Variants in ADAM9 observed in about 807,000 individuals in gnomAD.
The protein encoded by ADAM9 is disintegrin and metalloproteinase domain-containing protein 9.
Under a neutral mutation model 108.1 loss-of-function variants are expected in ADAM9, and 54 were observed. The ratio of observed to expected loss-of-function variants is 0.50; its 90% CI spans 0.40 to 0.63. ADAM9 has a LOEUF of 0.63. Among genes scored for constraint, ADAM9 ranks in the 20% least tolerant of loss-of-function variants. The probability of loss-of-function intolerance (pLI) is 0.00; values close to 1 mark genes in which losing one functional copy is unlikely to be tolerated. For synonymous variants in ADAM9, 316 were observed against 336.0 expected (o/e 0.94, Z 0.65); for missense variants, 830 against 997.7 (o/e 0.83, Z 2.26).
intron 4 of ADAM9, chr8:39,014,389 A>G (rs1836457813): frequency 1.8e-6 from 1 of 557,686 alleles, no homozygotes; most frequent in Middle Eastern, 2.9e-4. Context: ...GCACTTATTA[A>G]AACATTTAAT....
chr8:39,075,882 A>G (rs1410638845), intron 15 of ADAM9: 1 of 152,206 alleles, frequency 6.6e-6, no homozygotes, highest in Non-Finnish European at 1.5e-5. Flanking sequence ...AGCTCAGAAA[A>G]TGTAAGCACT....
At chr8:39,024,249 G>C (rs1023762929) in intron 9 of ADAM9, among the ~76,000 whole-genome samples, 1 of 152,046 alleles carries the variant, frequency 6.6e-6, no homozygotes, top group Non-Finnish European at 1.5e-5. Flanking sequence ...TTTTGGTGTG[G>C]GTCTTAATTT....
chr8:39,009,514 C>T (rs760217538), intron 2 of ADAM9, among the ~76,000 whole-genome samples: 4 of 152,232 alleles, frequency 2.6e-5, no homozygotes, highest in African/African-American at 4.8e-5. Flanking sequence ...GCTGGGATTA[C>T]AGGCATGAGC....
At chr8:39,012,282 T>G (rs1836380333) in intron 3 of ADAM9, among the ~76,000 whole-genome samples, 1 of 152,198 alleles carries the variant, frequency 6.6e-6, no homozygotes, top group South Asian at 2.1e-4. Context: ...GCTGATCATG[T>G]AGCTAAAGTC....
At chr8:38,998,723 A>G (rs1455913153) in intron 1 of ADAM9, among the ~76,000 whole-genome samples, 1 of 152,204 alleles carries the variant, frequency 6.6e-6, no homozygotes, top group African/African-American at 2.4e-5. Context: ...AGAATAGTAG[A>G]TACATTCTAA....
chr8:39,013,994 A>G lies in ADAM9; in HGVS notation c.284A>G (p.Tyr95Cys). ...KDLLPEDFVVYTYNKEGTLIT... is the reference protein window; with the variant it reads ...KDLLPEDFVVCTYNKEGTLIT... ...CTTTTGCCTGAAGATTTTGTGGTTT[A>G]TACTTACAACAAGGAAGGGACTTTA... The change falls in exon 4 of 22, where the codon TAT becomes TGT. Residue 95 changes from tyrosine to cysteine, a missense_variant. By Grantham distance (194) the Tyr-to-Cys change is radical. Coordinates refer to ENST00000487273, the MANE Select transcript of ADAM9 (RefSeq NM_003816.3). 9.3e-6 allele frequency: 15 copies of G among 1,613,642 alleles called. No homozygotes were observed. Among genetic ancestry groups the G allele is most frequent in the Non-Finnish European group, 1.3e-5 (15 of 1,179,706 alleles).
rs117932378 is a variant in ADAM9, at chr8:39,077,705, C to T, written c.1881+294C>T. On this transcript the variant is annotated intron_variant, in intron 16 of 21. Coordinates refer to ENST00000487273, the MANE Select transcript of ADAM9 (RefSeq NM_003816.3). ...GTTTGCTATTACTGGGACACTTTGG[C>T]GATGTCCTGAATTTCAGGGTGTGTG... Among the ~76,000 whole-genome samples, 874 of 152,182 alleles carry T rather than the reference C, an allele frequency of 5.7e-3. 7 individuals are homozygous for T. Among genetic ancestry groups the T allele is most frequent in the Non-Finnish European group, 9.6e-3 (653 of 68,018 alleles).
chr8:39,011,722 A>G lies in ADAM9; in HGVS notation c.254+6A>G. 1 of 1,606,932 alleles carries G rather than the reference A, an allele frequency of 6.2e-7. No individual in the cohort carries two copies. Among genetic ancestry groups the G allele is most frequent in the Non-Finnish European group, 8.5e-7 (1 of 1,173,528 alleles). On this transcript the variant is annotated splice_donor_region_variant and intron_variant, in intron 3 of 21. Coordinates refer to ENST00000487273, the MANE Select transcript of ADAM9 (RefSeq NM_003816.3). ...ATTCACTTGGAAAGGAACAAGTAAG[A>G]CATTTAATTTATTTTGGCTTTTCAG... is the stretch of plus-strand genomic sequence containing the variant.
intron 1 of ADAM9, among the ~76,000 whole-genome samples, chr8:39,006,999 G>A (rs911425868): frequency 6.6e-6 from 1 of 152,146 alleles, no homozygotes; most frequent in Non-Finnish European, 1.5e-5. Context: ...CTTAGTCTGT[G>A]TTGCTATAAA....
chr8:39,064,063 A>C (rs1237311210), intron 14 of ADAM9, among the ~76,000 whole-genome samples: 3 of 152,196 alleles, frequency 2.0e-5, no homozygotes, highest in Non-Finnish European at 4.4e-5. Context: ...CAGTAAAATA[A>C]GGAGCAACCA....
At chr8:39,040,641 C>G (rs1837431024) in intron 11 of ADAM9, among the ~76,000 whole-genome samples, 1 of 152,100 alleles carries the variant, frequency 6.6e-6, no homozygotes. Context: ...GATATTTTCT[C>G]CCAATCTGCA....
At chr8:38,997,423 C>T (rs1266466202) in intron 1 of ADAM9, among the ~76,000 whole-genome samples, 1 of 152,160 alleles carries the variant, frequency 6.6e-6, no homozygotes, top group Non-Finnish European at 1.5e-5. Flanking sequence ...CCAGCGTCCC[C>T]CCATCCCTCG....
At chr8:39,025,349 G>A (rs912230867) in intron 9 of ADAM9, among the ~76,000 whole-genome samples, 7 of 151,856 alleles carry the variant, frequency 4.6e-5, no homozygotes, top group Non-Finnish European at 4.4e-5. Flanking sequence ...TGCCCACCTC[G>A]GCCTCCCAAA....
intron 18 of ADAM9, among the ~76,000 whole-genome samples, chr8:39,087,289 C>A (rs1839207411): frequency 6.6e-6 from 1 of 151,966 alleles, no homozygotes; most frequent in Admixed American, 6.6e-5. Context: ...TGCCTGATGT[C>A]CAGTGTCTTG....
chr8:39,075,105 C>G (rs1291984665), intron 15 of ADAM9, among the ~76,000 whole-genome samples: 3 of 151,812 alleles, frequency 2.0e-5, no homozygotes, highest in Non-Finnish European at 4.4e-5. Flanking sequence ...TGGGGTTTCC[C>G]TATGTTGGCC....
At chr8:39,051,289 G>A (rs1054510351) in intron 12 of ADAM9, among the ~76,000 whole-genome samples, 1 of 152,122 alleles carries the variant, frequency 6.6e-6, no homozygotes, top group African/African-American at 2.4e-5. Context: ...TATATGACGC[G>A]TCATGAGTTG....
In ADAM9 at chr8:39,101,846, T is replaced by C. The variant is rs1839704965; in HGVS notation, c.2299-17T>C. 1 of 1,595,470 alleles carries C rather than the reference T, an allele frequency of 6.3e-7. No homozygotes were observed. The highest frequency in any genetic ancestry group is 8.6e-7 in the Non-Finnish European group (1 of 1,164,520). On this transcript the variant is annotated splice_polypyrimidine_tract_variant and intron_variant, in intron 20 of 21. Coordinates refer to ENST00000487273, the MANE Select transcript of ADAM9 (RefSeq NM_003816.3). ...GAGCACATAGTGGTAATAACCTTAT[T>C]TTTTTTTTCTTTTTAGCCTATATAT... is the stretch of plus-strand genomic sequence containing the variant.
intron 11 of ADAM9, among the ~76,000 whole-genome samples, chr8:39,031,523 C>T (rs2129434992): frequency 6.6e-6 from 1 of 152,296 alleles, no homozygotes; most frequent in South Asian, 2.1e-4. Flanking sequence ...CCTTTCTACC[C>T]TGTTTATTCT....
chr8:39,022,922 A>T (rs1286785126), intron 8 of ADAM9, among the ~76,000 whole-genome samples: 2 of 152,096 alleles, frequency 1.3e-5, no homozygotes, highest in East Asian at 3.9e-4. Flanking sequence ...CATATTGGCC[A>T]GGTTGGTCTC....
Sources: allele counts gnomAD v4.1 joint callset (sites outside exome capture counted in the v4.1 genomes callset), GRCh38; gene constraint gnomAD v4.1.1; transcripts MANE v1.5; gene names NCBI Gene and HGNC (gene_info 2026-07-23, HGNC 2026-07-21).